STEEP1: variants seen among roughly 807,000 people sequenced by gnomAD.
The protein encoded by STEEP1 is STING1 ER exit protein 1.
Under a neutral mutation model 19.2 loss-of-function variants are expected in STEEP1, and 3 were observed. That is an observed-to-expected ratio of 0.16 (90% CI 0.07 to 0.40). STEEP1 has a LOEUF of 0.40. STEEP1 is among the 10% of genes least tolerant of loss of function. The pLI, the probability that STEEP1 is intolerant of heterozygous loss-of-function variation, is 0.99. For missense variants in STEEP1, 54 were observed against 177.1 expected (o/e 0.30, Z 3.94); for synonymous variants, 46 against 63.7 (o/e 0.72, Z 1.32).
At chrX:119,545,352 CAAAA>C (rs372221185) in intron 3 of STEEP1, 107 bp downstream of exon 3, 92 of 372,917 alleles carry the variant, frequency 2.5e-4, no homozygotes, top group Middle Eastern at 6.0e-4. Flanking sequence ...GACTCTGTCT[CAAAA>C]AAAAAAAAAA....
At chrX:119,546,130 GCTATT>G (rs1384969516) in intron 2 of STEEP1, among the ~76,000 whole-genome samples, 5 of 110,161 alleles carry the variant, frequency 4.5e-5, no homozygotes, top group Admixed American at 9.8e-5. Flanking sequence ...TGTGCCAAGA[GCTATT>G]CTAAAGTATA....
intron 2 of STEEP1, among the ~76,000 whole-genome samples, chrX:119,557,471 A>G (rs1317276996): frequency 1.5e-5 from 1 of 65,944 alleles, no homozygotes; most frequent in Non-Finnish European, 2.7e-5. Flanking sequence ...GGTAGCACAC[A>G]CCATCTCAAA....
chrX:119,564,974 T>C (rs1200013940), intron 1 of STEEP1, among the ~76,000 whole-genome samples: 1 of 110,970 alleles, frequency 9.0e-6, no homozygotes, highest in Non-Finnish European at 1.9e-5. Flanking sequence ...AATATGTTTG[T>C]GTTTCTATTT....
intron 4 of STEEP1, among the ~76,000 whole-genome samples, chrX:119,544,147 T>A (rs979458133): frequency 5.4e-5 from 6 of 110,441 alleles, no homozygotes; most frequent in Non-Finnish European, 9.5e-5. Context: ...ACCCCCCAAA[T>A]CGTTTTTAAC....
chrX:119,543,757 C>T (rs879211125), intron 4 of STEEP1, among the ~76,000 whole-genome samples: 1 of 111,856 alleles, frequency 8.9e-6, no homozygotes, highest in Non-Finnish European at 1.9e-5. Context: ...GCTGGGATTA[C>T]AGGCATGAGC....
chrX:119,545,590 G>A (rs2053197151), intron 2 of STEEP1, 86 bp from the exon 3 acceptor site: 3 of 668,706 alleles, frequency 4.5e-6, no homozygotes, highest in South Asian at 4.5e-5. Flanking sequence ...ACGCTAAGAG[G>A]CCCTTTCAAA....
chrX:119,564,630 G>T (rs764530826), intron 1 of STEEP1, among the ~76,000 whole-genome samples: 2 of 111,656 alleles, frequency 1.8e-5, no homozygotes, highest in Admixed American at 9.6e-5. Context: ...GAATTAAAAT[G>T]AACATTGATA....
chrX:119,555,847 C>A (rs138023675), intron 2 of STEEP1, among the ~76,000 whole-genome samples: 2,349 of 111,528 alleles, frequency 0.021, 59 homozygotes, highest in African/African-American at 0.072. Context: ...GAGAGACTGA[C>A]TCCTAGATTT....
chrX:119,545,581 C>T (rs894988569), intron 2 of STEEP1, 77 bp from the exon 3 acceptor site: 21 of 693,740 alleles, frequency 3.0e-5, no homozygotes, highest in African/African-American at 3.0e-4. Context: ...TTTCTTCAAA[C>T]GCTAAGAGGC....
intron 4 of STEEP1, 108 bp from the exon 5 acceptor site, chrX:119,542,702 A>G (rs748774524): frequency 2.1e-6 from 1 of 477,531 alleles, no homozygotes; most frequent in South Asian, 4.0e-5. Flanking sequence ...ATTGGGGGAA[A>G]CACTACCTCT....
At chrX:119,539,880 G>T in intron 6 of STEEP1, 91 bp from the exon 7 acceptor site, 3 of 626,354 alleles carry the variant, frequency 4.8e-6, no homozygotes, top group Non-Finnish European at 5.1e-6. Flanking sequence ...CTCCCTTAAT[G>T]TTCATTTAGT....
intron 5 of STEEP1, among the ~76,000 whole-genome samples, chrX:119,541,674 G>A (rs770368119): frequency 8.9e-5 from 10 of 111,815 alleles, no homozygotes; most frequent in Non-Finnish European, 1.7e-4. Context: ...GCACAATCTT[G>A]GCTCACTGCA....
At chrX:119,554,609 G>C (rs544424877) in intron 2 of STEEP1, among the ~76,000 whole-genome samples, 2 of 111,971 alleles carry the variant, frequency 1.8e-5, no homozygotes, top group African/African-American at 6.5e-5. Flanking sequence ...TGTGCCTTCT[G>C]AGTCATAGCC....
intron 2 of STEEP1, among the ~76,000 whole-genome samples, chrX:119,559,730 T>C (rs1255144025): frequency 8.9e-6 from 1 of 112,121 alleles, no homozygotes; most frequent in Non-Finnish European, 1.9e-5. Flanking sequence ...AACCTGTAAA[T>C]TGTAAACAAA....
chrX:119,556,488 C>G (rs1167228369), intron 2 of STEEP1, among the ~76,000 whole-genome samples: 1 of 108,328 alleles, frequency 9.2e-6, no homozygotes, highest in African/African-American at 3.4e-5. Flanking sequence ...GAGGCTGAGG[C>G]AGGAGAATGG....
chrX:119,559,445 C>G (rs2147359799), intron 2 of STEEP1, among the ~76,000 whole-genome samples: 1 of 111,310 alleles, frequency 9.0e-6, no homozygotes, highest in South Asian at 3.8e-4. Context: ...CCTTCATCTA[C>G]TTGGTGAAAT....
chrX:119,555,807 T>G (rs1292074841), intron 2 of STEEP1, among the ~76,000 whole-genome samples: 2 of 110,817 alleles, frequency 1.8e-5, no homozygotes, highest in Non-Finnish European at 3.8e-5. Flanking sequence ...CAGGGGATGA[T>G]GGTGGGATGG....
intron 2 of STEEP1, among the ~76,000 whole-genome samples, chrX:119,558,684 G>T (rs186250465): frequency 3.8e-3 from 418 of 111,178 alleles, no homozygotes; most frequent in Non-Finnish European, 3.7e-3. Flanking sequence ...ATGACTTCTA[G>T]CACCTGCTGC....
At chrX:119,546,854 A>G (rs1052394724) in intron 2 of STEEP1, among the ~76,000 whole-genome samples, 2 of 111,535 alleles carry the variant, frequency 1.8e-5, no homozygotes, top group African/African-American at 6.5e-5. Flanking sequence ...CTACACCACC[A>G]TTATCAACTC....
Sources: allele counts gnomAD v4.1 joint callset (sites outside exome capture counted in the v4.1 genomes callset), GRCh38; gene constraint gnomAD v4.1.1; transcripts MANE v1.5; gene names NCBI Gene and HGNC (gene_info 2026-07-23, HGNC 2026-07-21).